The following TBL1X variants were observed in gnomAD, a reference collection of about 807,000 sequenced individuals.
TBL1X encodes F-box-like/WD repeat-containing protein TBL1X.
TBL1X carries 10 observed loss-of-function variants against 50.7 expected under a neutral mutation model. The observed-to-expected ratio is 0.20, with a 90% CI of 0.12 to 0.33. The LOEUF is 0.33. TBL1X is among the 10% of genes least tolerant of loss of function. The probability of loss-of-function intolerance (pLI) is 1.00; values close to 1 mark genes in which losing one functional copy is unlikely to be tolerated. For synonymous variants in TBL1X, 190 were observed against 214.7 expected (o/e 0.88, Z 1.01); for missense variants, 340 against 504.4 (o/e 0.67, Z 3.12).
chrX:9,568,286 T>C, intron 2 of TBL1X, among the ~76,000 whole-genome samples: 1 of 110,521 alleles, frequency 9.0e-6, no homozygotes, highest in Non-Finnish European at 1.9e-5. Context: ...GTTGCATGTG[T>C]CTGTCTGTAC....
intron 5 of TBL1X, among the ~76,000 whole-genome samples, chrX:9,671,168 C>G (rs1381339017): frequency 8.9e-6 from 1 of 111,810 alleles, no homozygotes; most frequent in Non-Finnish European, 1.9e-5. Flanking sequence ...GCCACACTTA[C>G]GGTTTATTAC....
intron 2 of TBL1X, among the ~76,000 whole-genome samples, chrX:9,571,428 G>A (rs1179107614): frequency 9.0e-6 from 1 of 111,453 alleles, no homozygotes; most frequent in Non-Finnish European, 1.9e-5. Flanking sequence ...AGAAGTCTGC[G>A]GATATCCCAC....
chrX:9,479,707 T>C (rs1374453287), intron 1 of TBL1X, among the ~76,000 whole-genome samples: 1 of 111,917 alleles, frequency 8.9e-6, no homozygotes, highest in Non-Finnish European at 1.9e-5. Flanking sequence ...TTGACTTGTC[T>C]GTCTTACAGC....
intron 11 of TBL1X, among the ~76,000 whole-genome samples, chrX:9,696,706 T>G (rs2146642820): frequency 8.9e-6 from 1 of 112,643 alleles, no homozygotes; most frequent in Admixed American, 9.4e-5. Flanking sequence ...AGCCCTTCAC[T>G]TGGAACAAAT....
chrX:9,641,692 A>G (rs1440383993), intron 3 of TBL1X, among the ~76,000 whole-genome samples: 1 of 112,768 alleles, frequency 8.9e-6, no homozygotes, highest in African/African-American at 3.2e-5. Context: ...ATAAAAACAA[A>G]ATTTGTAATG....
chrX:9,613,630 A>G (rs1294103399), intron 2 of TBL1X, among the ~76,000 whole-genome samples: 1 of 111,892 alleles, frequency 8.9e-6, no homozygotes, highest in Non-Finnish European at 1.9e-5. Context: ...AATTTTTTAA[A>G]TAGAATACAA....
At chrX:9,556,240 G>A (rs906585114) in intron 2 of TBL1X, among the ~76,000 whole-genome samples, 5 of 110,145 alleles carry the variant, frequency 4.5e-5, no homozygotes, top group African/African-American at 6.6e-5. Context: ...GTTCAGTGCC[G>A]TCAGATGTTC....
chrX:9,660,024 G>C (rs1256554089), intron 5 of TBL1X, among the ~76,000 whole-genome samples: 1 of 112,364 alleles, frequency 8.9e-6, no homozygotes, highest in Non-Finnish European at 1.9e-5. Context: ...CTAACCTTCT[G>C]CTTAAAAATA....
At chrX:9,644,956 G>T (rs1377280210) in intron 3 of TBL1X, 1 of 112,453 alleles carries the variant, frequency 8.9e-6, no homozygotes, top group Admixed American at 9.4e-5. Flanking sequence ...ACCATGTCCC[G>T]TCAGGGATGA....
At chrX:9,569,032 G>A (rs1425996013) in intron 2 of TBL1X, among the ~76,000 whole-genome samples, 1 of 100,773 alleles carries the variant, frequency 9.9e-6, no homozygotes, top group Admixed American at 1.1e-4. Context: ...TTGTGTGTGT[G>A]TGGTGTGCTG....
chrX:9,545,312 C>T (rs2146985813), intron 2 of TBL1X, among the ~76,000 whole-genome samples: 1 of 110,941 alleles, frequency 9.0e-6, no homozygotes, highest in East Asian at 2.8e-4. Flanking sequence ...GGGGCTGAGG[C>T]AGAAGGATCA....
At chrX:9,546,593 T>C (rs926645484) in intron 2 of TBL1X, among the ~76,000 whole-genome samples, 5 of 111,449 alleles carry the variant, frequency 4.5e-5, no homozygotes, top group Non-Finnish European at 9.4e-5. Flanking sequence ...TAACAGTTGC[T>C]TTTGCACTAC....
At chrX:9,687,983 G>A in intron 6 of TBL1X, 34 bp from the exon 7 acceptor site, 1 of 1,180,416 alleles carries the variant, frequency 8.5e-7, no homozygotes, top group East Asian at 3.0e-5. Context: ...TCACCCCCGT[G>A]AGCTGACAGC....
At position 9,491,897 on chromosome X, in the gene TBL1X, A is replaced by G. The variant is rs182303118; in HGVS notation, c.-200-9883A>G. ...TGATAGGACAACAGAAGTACAGTTC[A>G]GGGAGTTAAAGCTTCTCCATTCCCC... On this transcript the variant is annotated intron_variant, in intron 1 of 17. Coordinates refer to ENST00000645353, the MANE Select transcript of TBL1X (RefSeq NM_005647.4). Among the ~76,000 whole-genome samples, 437 of 111,496 alleles carry G rather than the reference A, an allele frequency of 3.9e-3. 3 individuals are homozygous for G. The highest frequency in any genetic ancestry group is 6.1e-3 in the Non-Finnish European group (322 of 53,075).
At chrX:9,642,808 C>T (rs933373277) in intron 3 of TBL1X, among the ~76,000 whole-genome samples, 1 of 112,619 alleles carries the variant, frequency 8.9e-6, no homozygotes, top group Non-Finnish European at 1.9e-5. Flanking sequence ...GTAGGCCCTA[C>T]AGAAATGTAT....
At chrX:9,498,628 C>A (rs1316697047) in intron 1 of TBL1X, among the ~76,000 whole-genome samples, 1 of 112,538 alleles carries the variant, frequency 8.9e-6, no homozygotes. Context: ...CCAGCTCTTG[C>A]CTTCTTCGCG....
At chrX:9,709,371 G>A (rs757979915) in intron 14 of TBL1X, 49 bp downstream of exon 14, 44 of 1,164,025 alleles carry the variant, frequency 3.8e-5, no homozygotes, top group Non-Finnish European at 4.9e-5. Context: ...AGACAACCCC[G>A]GGCACTTGAT....
intron 12 of TBL1X, 69 bp downstream of exon 12, chrX:9,697,498 C>T (rs1450988046): frequency 1.5e-5 from 18 of 1,188,714 alleles, no homozygotes; most frequent in Non-Finnish European, 2.0e-5. Context: ...CAGGTCGAGC[C>T]CAGTGGCTTA....
At chrX:9,503,003 A>G (rs746718443) in intron 2 of TBL1X, among the ~76,000 whole-genome samples, 7 of 113,040 alleles carry the variant, frequency 6.2e-5, no homozygotes, top group Non-Finnish European at 9.4e-5. Flanking sequence ...ATTTAAAAAC[A>G]TTTTATGGAG....
Sources: gnomAD v4.1 joint callset for allele counts (sites outside exome capture counted in the v4.1 genomes callset) on GRCh38, gnomAD v4.1.1 for gene constraint, MANE v1.5 for transcripts, NCBI Gene and HGNC (gene_info 2026-07-23, HGNC 2026-07-21) for gene names.